Variants in IQCM observed in about 807,000 individuals in gnomAD.
IQCM encodes IQ domain-containing protein M.
A neutral mutation model predicts 57.6 loss-of-function variants in IQCM; 45 were observed. That is an observed-to-expected ratio of 0.78 (90% CI 0.62 to 1.00). The LOEUF is 1.00. Ranked by LOEUF, IQCM falls within the 50% of genes least tolerant of loss-of-function variation. IQCM has a pLI of 0.00. For missense variants in IQCM, 468 were observed against 511.6 expected, an observed-to-expected ratio of 0.91 and a Z score of 0.82; for synonymous variants, 148 against 158.9, an observed-to-expected ratio of 0.93 and a Z score of 0.51.
chr4:149,557,125 A>G (rs370803450), intron 10 of IQCM, among the ~76,000 whole-genome samples: 1 of 152,146 alleles, frequency 6.6e-6, no homozygotes, highest in African/African-American at 2.4e-5. Flanking sequence ...TCTTGGCTTC[A>G]TGTCTCTGAT....
intron 2 of IQCM, among the ~76,000 whole-genome samples, chr4:149,801,602 G>T (rs2150049702): frequency 6.6e-6 from 1 of 152,030 alleles, no homozygotes; most frequent in Admixed American, 6.6e-5. Context: ...CGTGGATGCA[G>T]CTGGAGATCA....
intron 7 of IQCM, among the ~76,000 whole-genome samples, chr4:149,638,045 A>C (rs1202240970): frequency 6.6e-6 from 1 of 152,238 alleles, no homozygotes; most frequent in Non-Finnish European, 1.5e-5. Flanking sequence ...CACATGACAA[A>C]GGACTTAAAT....
intron 12 of IQCM, among the ~76,000 whole-genome samples, chr4:149,461,886 T>A (rs1738330889): frequency 6.6e-6 from 1 of 151,906 alleles, no homozygotes; most frequent in Non-Finnish European, 1.5e-5. Flanking sequence ...GTATGGATCA[T>A]TTTCAACAGA....
chr4:149,442,219 CA>C (rs1230682526), intron 12 of IQCM, among the ~76,000 whole-genome samples: 1 of 152,052 alleles, frequency 6.6e-6, no homozygotes, highest in Non-Finnish European at 1.5e-5. Context: ...GAGGTATCAG[CA>C]AAAGGTTGTC....
intron 2 of IQCM, among the ~76,000 whole-genome samples, chr4:149,784,948 A>T (rs1295544473): frequency 6.6e-6 from 1 of 152,250 alleles, no homozygotes; most frequent in Admixed American, 6.5e-5. Context: ...TAGATAAGTT[A>T]ATGAACAAAT....
In IQCM at chr4:149,625,824, C is replaced by T. The variant is rs114643236; in HGVS notation, c.566-4580G>A. ...CTTGCAGCTTAAAATACTCAGCATA[C>T]CAAGGCACCACATTTTTGGGGTATC... On this transcript the variant is annotated intron_variant, in intron 7 of 13. Transcript: ENST00000636793. Among the ~76,000 whole-genome samples, 221 of 152,214 alleles carry T rather than the reference C, an allele frequency of 1.5e-3. 1 individual carries two copies. The highest frequency in any genetic ancestry group is 5.1e-3 in the African/African-American group (212 of 41,520).
chr4:149,781,510 TTTAC>T (rs1426259330), intron 2 of IQCM, among the ~76,000 whole-genome samples: 1 of 152,166 alleles, frequency 6.6e-6, no homozygotes, highest in African/African-American at 2.4e-5. Flanking sequence ...TAACCTTTAT[TTTAC>T]TTAATAATGG....
At chr4:149,726,070 TAAAAGAAAGAAAGAAAGAAAGAAA>T (rs1305692519) in intron 5 of IQCM, among the ~76,000 whole-genome samples, 1 of 55,584 alleles carries the variant, frequency 1.8e-5, no homozygotes, top group African/African-American at 9.3e-5. Context: ...CTCTTCCCTC[TAAAAGAAAGAAAGAAAGAAAGAAA>T]GAAAGAAAGA....
chr4:149,690,991 G>C (rs540460137), intron 5 of IQCM: 1 of 152,004 alleles, frequency 6.6e-6, no homozygotes, highest in Non-Finnish European at 1.5e-5. Flanking sequence ...TACTTCAGAA[G>C]GTAACTATAA....
chr4:149,722,253 A>G (rs1325247400), intron 5 of IQCM, among the ~76,000 whole-genome samples: 1 of 151,738 alleles, frequency 6.6e-6, no homozygotes, highest in Non-Finnish European at 1.5e-5. Flanking sequence ...TTATCTGTTT[A>G]CTCTGTTGAA....
At chr4:149,528,123 T>G (rs1452335302) in intron 12 of IQCM, among the ~76,000 whole-genome samples, 3 of 151,938 alleles carry the variant, frequency 2.0e-5, no homozygotes, top group Admixed American at 1.3e-4. Flanking sequence ...GTAGCTGGGA[T>G]TACAGGCACC....
intron 2 of IQCM, among the ~76,000 whole-genome samples, chr4:149,799,840 T>C (rs1405840342): frequency 6.7e-6 from 1 of 148,820 alleles, no homozygotes; most frequent in Non-Finnish European, 1.5e-5. Flanking sequence ...TAATAAAAAG[T>C]CTACCAGTAA....
chr4:149,669,970 G>A (rs1761107685), intron 7 of IQCM, among the ~76,000 whole-genome samples: 2 of 152,086 alleles, frequency 1.3e-5, no homozygotes, highest in Admixed American at 6.5e-5. Context: ...GCTCTTTTTT[G>A]GTTGCATATG....
chr4:149,468,560 C>A (rs1025452842), intron 12 of IQCM, among the ~76,000 whole-genome samples: 1 of 146,266 alleles, frequency 6.8e-6, no homozygotes, highest in African/African-American at 2.6e-5. Context: ...CAGGGCATAG[C>A]TGAACAAAAG....
intron 12 of IQCM, among the ~76,000 whole-genome samples, chr4:149,442,569 T>A (rs28591110): frequency 6.6e-6 from 1 of 152,112 alleles, no homozygotes; most frequent in Non-Finnish European, 1.5e-5. Context: ...TGCCACTACA[T>A]AACAAGAATC....
intron 9 of IQCM, among the ~76,000 whole-genome samples, chr4:149,576,384 C>T (rs1373084883): frequency 6.6e-6 from 1 of 151,610 alleles, no homozygotes; most frequent in African/African-American, 2.4e-5. Context: ...GCTTGATTTG[C>T]TTTTTTGTTA....
At chr4:149,494,427 T>A (rs972929691) in intron 12 of IQCM, among the ~76,000 whole-genome samples, 1 of 152,048 alleles carries the variant, frequency 6.6e-6, no homozygotes, top group Non-Finnish European at 1.5e-5. Context: ...TACACTAAAG[T>A]CCCTAATGAG....
chr4:149,478,635 A>G (rs1160846066), intron 12 of IQCM, among the ~76,000 whole-genome samples: 1 of 152,182 alleles, frequency 6.6e-6, no homozygotes, highest in Non-Finnish European at 1.5e-5. Context: ...ACACTGGAGC[A>G]ATTTCATGGA....
At chr4:149,713,769 C>T (rs906439539) in intron 5 of IQCM, among the ~76,000 whole-genome samples, 3 of 152,134 alleles carry the variant, frequency 2.0e-5, no homozygotes, top group African/African-American at 7.2e-5. Flanking sequence ...GGCCCAACCC[C>T]TGTACTTATA....
Sources: allele counts gnomAD v4.1 joint callset (sites outside exome capture counted in the v4.1 genomes callset), GRCh38; gene constraint gnomAD v4.1.1; transcripts MANE v1.5; gene names NCBI Gene and HGNC (gene_info 2026-07-23, HGNC 2026-07-21).